VEPH1: variants seen among roughly 807,000 people sequenced by gnomAD.
VEPH1 encodes the protein ventricular zone-expressed PH domain-containing protein homolog 1.
A neutral mutation model predicts 85.2 loss-of-function variants in VEPH1; 80 were observed. The observed-to-expected ratio is 0.94, with a 90% confidence interval of 0.78 to 1.13. The LOEUF is 1.13. Among genes scored for constraint, VEPH1 ranks in the 50% most tolerant of loss-of-function variants. VEPH1 has a pLI of 0.00. For missense variants in VEPH1, 955 were observed against 980.5 expected (o/e 0.97, Z 0.35); for synonymous variants, 297 against 348.0 (o/e 0.85, Z 1.63).
chr3:157,286,883 C>T (rs1342003866), intron 11 of VEPH1, among the ~76,000 whole-genome samples: 2 of 152,060 alleles, frequency 1.3e-5, no homozygotes, highest in East Asian at 1.9e-4. Flanking sequence ...ATAAATGCAG[C>T]GGGAGCGAGC....
chr3:157,361,835 T>A (rs1726074803), intron 9 of VEPH1, among the ~76,000 whole-genome samples: 3 of 152,180 alleles, frequency 2.0e-5, no homozygotes, highest in Non-Finnish European at 4.4e-5. Flanking sequence ...AAATATATAG[T>A]AATCAAGATA....
At chr3:157,360,074 A>C (rs1227233884) in intron 9 of VEPH1, among the ~76,000 whole-genome samples, 3 of 152,234 alleles carry the variant, frequency 2.0e-5, no homozygotes, top group Non-Finnish European at 4.4e-5. Context: ...ACATAACACA[A>C]TTAAGCCTAA....
intron 12 of VEPH1, among the ~76,000 whole-genome samples, chr3:157,274,561 G>T (rs1054712665): frequency 6.6e-6 from 1 of 152,154 alleles, no homozygotes; most frequent in Admixed American, 6.6e-5. Context: ...ACAGTGGCTT[G>T]ATCATAGCTT....
In VEPH1 at chr3:157,364,373, G is replaced by C. The variant is rs772512643; in HGVS notation, c.1267C>G (p.Pro423Ala). Reference protein sequence around the residue: ...EDKINAGSNTPGSIRRYSLGQ... With the variant: ...EDKINAGSNTAGSIRRYSLGQ... Reference sequence around the variant, plus strand: ...AGACTATATCTTCTGATAGAGCCAGGGGTATTGCTCCCTGCATTTATCTTG... The same window carrying C: ...AGACTATATCTTCTGATAGAGCCAGCGGTATTGCTCCCTGCATTTATCTTG... Residue 423 changes from proline (P) to alanine (A), a missense_variant, in exon 8 of 14, where the codon CCT becomes GCT. Transcript: ENST00000362010. 5 of 1,613,924 alleles carry C rather than the reference G, an allele frequency of 3.1e-6. No homozygotes were observed. Among genetic ancestry groups the C allele is most frequent in the Non-Finnish European group, 3.4e-6 (4 of 1,179,918 alleles).
chr3:157,423,082 A>G (rs1157798921), intron 5 of VEPH1, among the ~76,000 whole-genome samples: 1 of 152,048 alleles, frequency 6.6e-6, no homozygotes, highest in Non-Finnish European at 1.5e-5. Context: ...TGTCTTCACT[A>G]TTTTTGTCTC....
At chr3:157,394,110 A>C (rs1577551717) in intron 6 of VEPH1, among the ~76,000 whole-genome samples, 1 of 152,224 alleles carries the variant, frequency 6.6e-6, no homozygotes, top group Non-Finnish European at 1.5e-5. Flanking sequence ...TTGGGTTTCA[A>C]GAGGCTTTCT....
chr3:157,369,180 G>GAAAAAAGAAAAAA (rs1727120466), intron 7 of VEPH1, among the ~76,000 whole-genome samples: 1 of 42,780 alleles, frequency 2.3e-5, no homozygotes, highest in African/African-American at 8.4e-5. Flanking sequence ...AAAACCAAAT[G>GAAAAAAGAAAAAA]AAAAAAAAAA....
intron 9 of VEPH1, among the ~76,000 whole-genome samples, chr3:157,350,842 A>T (rs1369593715): frequency 6.6e-6 from 1 of 152,222 alleles, no homozygotes; most frequent in Non-Finnish European, 1.5e-5. Context: ...CCCCAGTTAC[A>T]GTGGCTATTA....
chr3:157,473,650 T>G (rs1000957206), intron 2 of VEPH1, among the ~76,000 whole-genome samples: 1 of 152,132 alleles, frequency 6.6e-6, no homozygotes, highest in Non-Finnish European at 1.5e-5. Flanking sequence ...AACAAAAAAA[T>G]ACAGTAAATG....
chr3:157,262,688 G>T (rs1418955611), intron 13 of VEPH1, among the ~76,000 whole-genome samples: 3 of 152,140 alleles, frequency 2.0e-5, no homozygotes, highest in Non-Finnish European at 2.9e-5. Context: ...GTTTTAAAAT[G>T]TCAATATTTA....
intron 7 of VEPH1, among the ~76,000 whole-genome samples, chr3:157,366,198 A>T (rs1206468975): frequency 3.3e-5 from 5 of 152,168 alleles, no homozygotes; most frequent in Non-Finnish European, 5.9e-5. Context: ...TTATTACAGT[A>T]TATAATAATC....
chr3:157,343,405 G>A (rs1331894176), intron 9 of VEPH1, among the ~76,000 whole-genome samples: 2 of 152,104 alleles, frequency 1.3e-5, no homozygotes, highest in East Asian at 1.9e-4. Flanking sequence ...ACACCTCTAC[G>A]CAAATAAACT....
intron 11 of VEPH1, among the ~76,000 whole-genome samples, chr3:157,302,988 T>C (rs960748173): frequency 4.7e-4 from 72 of 152,326 alleles, no homozygotes; most frequent in African/African-American, 1.6e-3. Context: ...CAATGTTTTA[T>C]AGTGAAATAA....
rs1022577978 is a variant in VEPH1, at chr3:157,434,308, C to T, written c.530-5820G>A. 2.6e-5 allele frequency among the ~76,000 whole-genome samples: 4 copies of T among 151,470 alleles called. No homozygotes were observed. In the East Asian group the frequency reaches 7.7e-4, roughly 29 times the overall value. On this transcript the variant is annotated intron_variant, in intron 4 of 13. Coordinates refer to ENST00000362010, the MANE Select transcript of VEPH1 (RefSeq NM_001167912.2). ...TAGCTGGATTTTTAAAATATTTCTT[C>T]TCTCTCTCTCTCCTTTTCTTTTTTT...
chr3:157,408,157 C>T (rs969909795), intron 6 of VEPH1, among the ~76,000 whole-genome samples: 3 of 152,076 alleles, frequency 2.0e-5, no homozygotes, highest in Non-Finnish European at 4.4e-5. Flanking sequence ...CTGCTGAGGC[C>T]TCGTATATGA....
intron 2 of VEPH1, among the ~76,000 whole-genome samples, chr3:157,488,622 C>T (rs1351508811): frequency 1.3e-5 from 2 of 150,302 alleles, no homozygotes; most frequent in Non-Finnish European, 2.9e-5. Context: ...TCTGTCTGCA[C>T]TCACTCCCTT....
chr3:157,382,760 T>C (rs372644012), intron 6 of VEPH1, among the ~76,000 whole-genome samples: 2 of 152,348 alleles, frequency 1.3e-5, no homozygotes, highest in East Asian at 3.9e-4. Context: ...AACTCTTCCA[T>C]GCAGCTGTCT....
At chr3:157,437,482 G>A (rs1454867573) in intron 4 of VEPH1, 1 of 1,584,944 alleles carries the variant, frequency 6.3e-7, no homozygotes, top group East Asian at 2.3e-5. Flanking sequence ...GCCTGGGCGG[G>A]CTGCTAACGT....
At chr3:157,385,263 C>G (rs1729178879) in intron 6 of VEPH1, among the ~76,000 whole-genome samples, 1 of 150,692 alleles carries the variant, frequency 6.6e-6, no homozygotes, top group Admixed American at 6.6e-5. Context: ...CATATTTTTC[C>G]ACTCCTTTTT....
Sources: gnomAD v4.1 joint callset for allele counts (sites outside exome capture counted in the v4.1 genomes callset) on GRCh38, gnomAD v4.1.1 for gene constraint, MANE v1.5 for transcripts, NCBI Gene and HGNC (gene_info 2026-07-23, HGNC 2026-07-21) for gene names.